TBCEL: variants seen among roughly 807,000 people sequenced by gnomAD.
TBCEL encodes the protein tubulin folding cofactor E like.
TBCEL carries 15 observed loss-of-function variants against 44.2 expected under a neutral mutation model. The ratio of observed to expected loss-of-function variants is 0.34; its 90% CI spans 0.23 to 0.52. TBCEL has a LOEUF of 0.52. TBCEL is among the 20% of genes least tolerant of loss of function. The probability of loss-of-function intolerance (pLI) is 0.95; values close to 1 mark genes in which losing one functional copy is unlikely to be tolerated. For synonymous variants in TBCEL, 171 were observed against 185.4 expected (o/e 0.92, Z 0.63); for missense variants, 319 against 506.3 (o/e 0.63, Z 3.55).
intron 8 of TBCEL, among the ~76,000 whole-genome samples, chr11:121,081,452 T>C (rs1946124124): frequency 6.6e-6 from 1 of 152,350 alleles, no homozygotes; most frequent in African/African-American, 2.4e-5. Context: ...TAAATACTTG[T>C]TAATGGTCAG....
chr11:121,028,303 T>C (rs917961409), intron 1 of TBCEL, among the ~76,000 whole-genome samples: 4 of 152,256 alleles, frequency 2.6e-5, no homozygotes, highest in Non-Finnish European at 5.9e-5. Flanking sequence ...TCTAGGAATC[T>C]GCATTTTATC....
At chr11:121,048,807 G>A (rs1385994118) in intron 4 of TBCEL, among the ~76,000 whole-genome samples, 2 of 151,764 alleles carry the variant, frequency 1.3e-5, no homozygotes, top group Non-Finnish European at 2.9e-5. Flanking sequence ...TGCAGCTCAT[G>A]ATAAACTCAA....
chr11:121,084,061 G>A, intron 8 of TBCEL, among the ~76,000 whole-genome samples: 1 of 152,158 alleles, frequency 6.6e-6, no homozygotes, highest in East Asian at 1.9e-4. Flanking sequence ...GATAACGGGT[G>A]GACTCCCTCT....
At chr11:121,033,856 A>G (rs1945185434) in intron 1 of TBCEL, among the ~76,000 whole-genome samples, 1 of 151,508 alleles carries the variant, frequency 6.6e-6, no homozygotes, top group South Asian at 2.1e-4. Flanking sequence ...TACAGTGTCA[A>G]TGAACTTACC....
Position 121,058,379 on chromosome 11 carries a change from T to C in TBCEL, c.747T>C (p.Asn249=). 6.2e-7 allele frequency: 1 copy of C among 1,611,848 alleles called. No homozygotes were observed. Residue 249 remains asparagine (N), a synonymous_variant, in exon 7 of 9, where the codon AAT becomes AAC. Transcript: ENST00000683345. ...LQSWEDIDKL[N]SFPKLEEVRL... is the part of the protein sequence containing the mutation. ...CCTGGGAAGACATTGATAAACTAAA[T>C]TCATTTCCCAAACTGGAAGAAGTGA...
intron 1 of TBCEL, among the ~76,000 whole-genome samples, chr11:121,032,124 A>G (rs960288695): frequency 5.3e-5 from 8 of 152,090 alleles, no homozygotes; most frequent in African/African-American, 1.7e-4. Context: ...GTGGAGGTGA[A>G]TTTTTTGGTA....
Position 121,087,349 on chromosome 11 carries a change from T to G in TBCEL, c.*253T>G, listed in dbSNP as rs1443860818. ...TGTATGTGCCCTCTCTAAGGAAAGA[T>G]GACAAAGAAATCACCGACTTCTTAC... On this transcript the variant is annotated 3_prime_UTR_variant, in exon 9 of 9. Coordinates refer to ENST00000683345, the MANE Select transcript of TBCEL (RefSeq NM_001363644.2). The G allele has an allele frequency of 4.3e-6, 2 of 460,672 alleles. No individual in the cohort carries two copies. The highest frequency in any genetic ancestry group is 7.8e-5 in the East Asian group (2 of 25,794). 28.5% of individuals were successfully genotyped at this position (460,672 alleles called of 1,614,324 possible). A position where few individuals can be genotyped will look rare whatever the true frequency, so the allele number is the denominator to read the frequency against.
At chr11:121,069,010 C>A (rs1185542437) in intron 8 of TBCEL, among the ~76,000 whole-genome samples, 1 of 152,146 alleles carries the variant, frequency 6.6e-6, no homozygotes, top group Non-Finnish European at 1.5e-5. Flanking sequence ...AGGCTACCTG[C>A]TTCATTCTCT....
chr11:121,043,608 A>G (rs528660138), intron 2 of TBCEL, among the ~76,000 whole-genome samples: 1 of 152,196 alleles, frequency 6.6e-6, no homozygotes, highest in Non-Finnish European at 1.5e-5. Flanking sequence ...CTTGTAATCT[A>G]TAACCATGTT....
intron 5 of TBCEL, among the ~76,000 whole-genome samples, chr11:121,054,000 A>G (rs111561814): frequency 3.5e-4 from 53 of 151,860 alleles, no homozygotes; most frequent in African/African-American, 1.2e-3. Context: ...ATCACTCTAA[A>G]TCAACTCAGC....
chr11:121,062,587 T>A (rs1945744682), intron 8 of TBCEL, among the ~76,000 whole-genome samples: 1 of 152,312 alleles, frequency 6.6e-6, no homozygotes, highest in South Asian at 2.1e-4. Context: ...GGCACCTAAC[T>A]GTACAGTGAA....
At chr11:121,027,352 T>C (rs763028789) in intron 1 of TBCEL, among the ~76,000 whole-genome samples, 5 of 152,238 alleles carry the variant, frequency 3.3e-5, no homozygotes, top group African/African-American at 1.2e-4. Flanking sequence ...TGGTAATAAC[T>C]GGACTGTTCC....
rs1329981223 is a variant in TBCEL, at chr11:121,088,655, AT to A, written c.*1566del. The A allele has an allele frequency of 1.3e-5, 2 of 152,022 alleles. No individual in the cohort carries two copies. The highest frequency in any genetic ancestry group is 2.9e-5 in the Non-Finnish European group (2 of 67,990). The allele number at this position is 152,022 out of a possible 1,614,324, so 9.4% of individuals were successfully genotyped here. ...TAATTCTACCCCTCCTACAAATTTA[AT>A]TTTTTTATGAAATTTTTAGGTGACT... On this transcript the variant is annotated 3_prime_UTR_variant, in exon 9 of 9. Transcript: ENST00000683345.
intron 6 of TBCEL, among the ~76,000 whole-genome samples, chr11:121,056,047 C>G (rs566325808): frequency 6.6e-6 from 1 of 151,528 alleles, no homozygotes; most frequent in African/African-American, 2.4e-5. Flanking sequence ...GTAAATTCTA[C>G]GGATTTTCAC....
At chr11:121,076,846 T>G (rs956480839) in intron 8 of TBCEL, among the ~76,000 whole-genome samples, 1 of 152,094 alleles carries the variant, frequency 6.6e-6, no homozygotes, top group Non-Finnish European at 1.5e-5. Flanking sequence ...ATTCCAAGTT[T>G]GCTGGAGCTT....
intron 7 of TBCEL, 150 bp from the exon 8 acceptor site, chr11:121,059,819 T>G: frequency 1.7e-6 from 1 of 587,578 alleles, no homozygotes; most frequent in East Asian, 2.9e-5. Flanking sequence ...TAGACCACTT[T>G]AGTTCATGTC....
At chr11:121,053,460 G>A in intron 4 of TBCEL, 91 bp from the exon 5 acceptor site, 1 of 1,226,822 alleles carries the variant, frequency 8.2e-7, no homozygotes, top group Admixed American at 2.1e-5. Context: ...CCCTTTGCCT[G>A]GAGACCAGCT....
chr11:121,064,482 A>G (rs1028778975), intron 8 of TBCEL, among the ~76,000 whole-genome samples: 3 of 152,188 alleles, frequency 2.0e-5, no homozygotes, highest in African/African-American at 7.2e-5. Flanking sequence ...CCAATTAGCT[A>G]TTGGAAAAGA....
chr11:121,036,392 C>G (rs1425066168), intron 1 of TBCEL, 113 bp from the exon 2 acceptor site: 2 of 152,224 alleles, frequency 1.3e-5, no homozygotes, highest in Non-Finnish European at 2.9e-5. Flanking sequence ...GAGGGATGGG[C>G]AGGGTGGAAG....
Sources: gnomAD v4.1 joint callset for allele counts (sites outside exome capture counted in the v4.1 genomes callset) on GRCh38, gnomAD v4.1.1 for gene constraint, MANE v1.5 for transcripts, NCBI Gene and HGNC (gene_info 2026-07-23, HGNC 2026-07-21) for gene names.